PDE4D: variants seen among roughly 807,000 people sequenced by gnomAD.
The protein encoded by PDE4D is phosphodiesterase 4D.
A neutral mutation model predicts 87.4 loss-of-function variants in PDE4D; 24 were observed. That is an observed-to-expected ratio of 0.27 (90% confidence interval 0.20 to 0.39). PDE4D has a LOEUF of 0.39. PDE4D is among the 10% of genes least tolerant of loss of function. The probability of loss-of-function intolerance (pLI) is 1.00; values close to 1 mark genes in which losing one functional copy is unlikely to be tolerated. For missense variants in PDE4D, 714 were observed against 1,041.0 expected, an observed-to-expected ratio of 0.69 and a Z score of 4.32; for synonymous variants, 384 against 383.2, an observed-to-expected ratio of 1.00 and a Z score of -0.02.
intron 1 of PDE4D, among the ~76,000 whole-genome samples, chr5:59,257,681 G>A (rs16889484): frequency 0.027 from 4,158 of 152,092 alleles, 212 homozygotes; most frequent in African/African-American, 0.095. Flanking sequence ...GTTGCCTGGT[G>A]TGTCACTTGC....
intron 1 of PDE4D, among the ~76,000 whole-genome samples, chr5:59,892,934 A>G (rs1165165380): frequency 7.4e-6 from 1 of 135,490 alleles, no homozygotes; most frequent in African/African-American, 3.1e-5. Context: ...ACACACACAC[A>G]CACACGGCCC....
rs1759145399 is a variant in PDE4D at position 59,039,188 on chromosome 5, C to T, written c.809-217G>A. On this transcript the variant is annotated intron_variant, in intron 5 of 14. Transcript: ENST00000340635. ...CCTCGGGGAGGCACGGTCTCTCCAG[C>T]TTGGCGTCTCGGGTCGGCCTCCAGG... 7 of 1,324,686 alleles carry T rather than the reference C, an allele frequency of 5.3e-6. No individual in the cohort carries two copies. The African/African-American group carries it at 7.7e-5, about 14-fold the overall frequency. 82.1% of individuals were successfully genotyped at this position (1,324,686 alleles called of 1,614,324 possible).
chr5:60,103,874 G>A (rs1430553699), intron 2 of PDE4D, among the ~76,000 whole-genome samples: 1 of 152,010 alleles, frequency 6.6e-6, no homozygotes, highest in Non-Finnish European at 1.5e-5. Flanking sequence ...AAAAATCGAG[G>A]AAGAGACAAG....
At chr5:59,201,666 T>C (rs1208408784) in intron 2 of PDE4D, among the ~76,000 whole-genome samples, 2 of 152,272 alleles carry the variant, frequency 1.3e-5, no homozygotes, top group South Asian at 2.1e-4. Context: ...TCCATTTAAG[T>C]CAAAATAAAT....
intron 2 of PDE4D, among the ~76,000 whole-genome samples, chr5:59,202,631 C>G (rs551437539): frequency 6.6e-6 from 1 of 152,096 alleles, no homozygotes; most frequent in South Asian, 2.1e-4. Flanking sequence ...TGGGAGATGA[C>G]TGAATTAGGG....
At chr5:59,746,058 T>G (rs1165929978) in intron 1 of PDE4D, among the ~76,000 whole-genome samples, 1 of 152,218 alleles carries the variant, frequency 6.6e-6, no homozygotes, top group Admixed American at 6.5e-5. Context: ...GTGATAATTA[T>G]GTGTATAAAC....
chr5:59,014,275 T>C lies in PDE4D; in HGVS notation c.922-20810A>G, dbSNP rs192761023. On this transcript the variant is annotated intron_variant, in intron 6 of 14. Transcript: ENST00000340635. Reference sequence around the variant, plus strand: ...CTTCTCTCACCGCTCCTATTCAACATAGTGTTGAAAGTTCTGGCCAGGGCA... The same window carrying C: ...CTTCTCTCACCGCTCCTATTCAACACAGTGTTGAAAGTTCTGGCCAGGGCA... Among the ~76,000 whole-genome samples, 9 of 152,230 alleles carry C rather than the reference T, an allele frequency of 5.9e-5. No homozygotes were observed. The East Asian group carries it at 1.4e-3, about 23-fold the overall frequency.
intron 5 of PDE4D, among the ~76,000 whole-genome samples, chr5:59,100,870 AC>A (rs1028458841): frequency 2.9e-4 from 44 of 152,158 alleles, no homozygotes; most frequent in African/African-American, 1.1e-3. Flanking sequence ...TTTGAAAACT[AC>A]CCCTCTTTCA....
chr5:60,204,196 A>ATCTAGCTAGCTAGCTATCTCTCTATCTC (rs1562215707), intron 1 of PDE4D, among the ~76,000 whole-genome samples: 6 of 152,252 alleles, frequency 3.9e-5, no homozygotes, highest in Admixed American at 6.5e-5. Context: ...CTATCTATCT[A>ATCTAGCTAGCTAGCTATCTCTCTATCTC]TCTAGCTAGC....
At chr5:60,348,117 GAA>G (rs35362367) in intron 1 of PDE4D, among the ~76,000 whole-genome samples, 20,519 of 152,068 alleles carry the variant, frequency 0.13, 1,515 homozygotes, top group South Asian at 0.3. Context: ...TGAAACAACA[GAA>G]GTCTTGATAC....
At chr5:59,650,437 CTTGAG>C (rs1302719951) in intron 1 of PDE4D, among the ~76,000 whole-genome samples, 2 of 152,028 alleles carry the variant, frequency 1.3e-5, no homozygotes, top group Non-Finnish European at 2.9e-5. Context: ...AAATCAGTGC[CTTGAG>C]TTATCTTTGT....
At chr5:60,414,354 C>T (rs939729730) in intron 1 of PDE4D, among the ~76,000 whole-genome samples, 1 of 152,018 alleles carries the variant, frequency 6.6e-6, no homozygotes, top group Non-Finnish European at 1.5e-5. Context: ...GGTCATAAAA[C>T]TCTATTAAGA....
chr5:60,062,686 C>T (rs975598868), intron 2 of PDE4D, among the ~76,000 whole-genome samples: 5 of 152,074 alleles, frequency 3.3e-5, no homozygotes, highest in African/African-American at 7.2e-5. Context: ...CAATGATAGA[C>T]TGGATAAAGA....
intron 1 of PDE4D, among the ~76,000 whole-genome samples, chr5:59,406,307 A>G (rs983200043): frequency 4.0e-5 from 6 of 150,830 alleles, no homozygotes; most frequent in African/African-American, 1.5e-4. Context: ...ATTTATTTGC[A>G]TATAGTTGCT....
Position 60,062,241 on chromosome 5 carries a change from A to C in PDE4D, c.43-73524T>G, listed in dbSNP as rs568006755. Among the ~76,000 whole-genome samples the C allele has an allele frequency of 2.6e-5, 4 of 152,300 alleles. No individual in the cohort carries two copies. In the South Asian group the frequency reaches 8.3e-4, roughly 32 times the overall value. On this transcript the variant is annotated intron_variant, in intron 2 of 16. Transcript: ENST00000502484. ...AAAAACACAAGAAAACCCATTAAAA[A>C]GTGGGCAAAAACATGAACAGACACT...
chr5:59,889,929 A>G (rs185806380), intron 1 of PDE4D, among the ~76,000 whole-genome samples: 21 of 152,330 alleles, frequency 1.4e-4, no homozygotes, highest in Non-Finnish European at 2.9e-4. Context: ...TTTATTTAAC[A>G]TATCCAAATT....
At chr5:60,331,409 C>G (rs1490861462) in intron 1 of PDE4D, among the ~76,000 whole-genome samples, 4 of 152,246 alleles carry the variant, frequency 2.6e-5, no homozygotes, top group Non-Finnish European at 5.9e-5. Context: ...CCCCCAGGCT[C>G]TCTCCTACCC....
chr5:59,289,488 TC>T (rs1767599929), intron 1 of PDE4D, among the ~76,000 whole-genome samples: 3 of 150,130 alleles, frequency 2.0e-5, no homozygotes, highest in South Asian at 4.2e-4. Context: ...AAATTCAACA[TC>T]CCTTCATGAT....
chr5:58,978,371 G>A (rs975977819), intron 11 of PDE4D, among the ~76,000 whole-genome samples: 4 of 152,082 alleles, frequency 2.6e-5, no homozygotes, highest in East Asian at 1.9e-4. Flanking sequence ...CCATTATATC[G>A]TGCCACTGCA....
Sources: gnomAD v4.1 joint callset for allele counts (sites outside exome capture counted in the v4.1 genomes callset) on GRCh38, gnomAD v4.1.1 for gene constraint, MANE v1.5 for transcripts, NCBI Gene and HGNC (gene_info 2026-07-23, HGNC 2026-07-21) for gene names.